NRG3: variants seen among roughly 807,000 people sequenced by gnomAD.
NRG3 encodes the protein pro-neuregulin-3, membrane-bound isoform.
NRG3 carries 31 observed loss-of-function variants against 66.9 expected under a neutral mutation model. The observed-to-expected ratio is 0.46, with a 90% confidence interval of 0.35 to 0.63. The LOEUF (loss-of-function observed/expected upper bound fraction) is 0.63. NRG3 is among the 20% of genes least tolerant of loss of function. The pLI is 0.00. For synonymous variants in NRG3, 393 were observed against 359.4 expected, an observed-to-expected ratio of 1.09 and a Z score of -1.06; for missense variants, 910 against 878.9, an observed-to-expected ratio of 1.04 and a Z score of -0.45.
chr10:82,500,738 G>A (rs941207506), intron 2 of NRG3, among the ~76,000 whole-genome samples: 9 of 152,110 alleles, frequency 5.9e-5, no homozygotes, highest in Admixed American at 5.2e-4. Flanking sequence ...CTGAACTTTT[G>A]GTTCTATGTG....
At chr10:82,638,042 A>T (rs997146540) in intron 2 of NRG3, among the ~76,000 whole-genome samples, 1 of 152,212 alleles carries the variant, frequency 6.6e-6, no homozygotes, top group African/African-American at 2.4e-5. Context: ...CTATATTGGA[A>T]ACTTTCCTGT....
intron 6 of NRG3, among the ~76,000 whole-genome samples, chr10:82,963,859 C>G (rs146541143): frequency 1.1e-3 from 162 of 152,212 alleles, no homozygotes; most frequent in African/African-American, 3.4e-3. Context: ...ATCCCACACT[C>G]TGTCTCTCTG....
At chr10:82,754,920 T>C (rs778796949) in intron 3 of NRG3, among the ~76,000 whole-genome samples, 3 of 152,164 alleles carry the variant, frequency 2.0e-5, no homozygotes, top group Non-Finnish European at 4.4e-5. Flanking sequence ...CATAGACTAC[T>C]ATGCTTTTAA....
intron 1 of NRG3, among the ~76,000 whole-genome samples, chr10:81,893,429 C>T (rs530922335): frequency 7.3e-5 from 11 of 150,984 alleles, no homozygotes; most frequent in South Asian, 4.2e-4. Flanking sequence ...CCTGAACATC[C>T]GCAGTATGGA....
chr10:82,677,971 G>A (rs1049374166), intron 2 of NRG3, among the ~76,000 whole-genome samples: 3 of 152,168 alleles, frequency 2.0e-5, no homozygotes, highest in Non-Finnish European at 4.4e-5. Flanking sequence ...CACATGCACG[G>A]TGTGTTTACT....
rs1230310506 is a variant in NRG3 at position 82,328,725 on chromosome 10, A to G, written c.824-30014A>G. Among the ~76,000 whole-genome samples the G allele has an allele frequency of 8.5e-5, 13 of 152,212 alleles. 1 individual carries two copies. Among genetic ancestry groups the G allele is most frequent in the Admixed American group, 8.5e-4 (13 of 15,290 alleles). On this transcript the variant is annotated intron_variant, in intron 1 of 8. Transcript: ENST00000372141. ...CTTATTCTCACAGAAACCTCCTGGC[A>G]TGCCTGGCACATCTTCACTCAATAA...
intron 1 of NRG3, among the ~76,000 whole-genome samples, chr10:82,332,618 G>GT (rs2082192100): frequency 6.6e-6 from 1 of 152,100 alleles, no homozygotes; most frequent in South Asian, 2.1e-4. Context: ...ATGATAACTA[G>GT]GCTTTGGTGA....
intron 2 of NRG3, among the ~76,000 whole-genome samples, chr10:82,363,580 C>T (rs957146976): frequency 3.3e-5 from 5 of 152,136 alleles, no homozygotes; most frequent in Admixed American, 6.5e-5. Flanking sequence ...CTCAGCCTCC[C>T]TGGTAGCTGG....
intron 2 of NRG3, among the ~76,000 whole-genome samples, chr10:82,618,092 A>G (rs1022810075): frequency 2.6e-5 from 4 of 151,998 alleles, no homozygotes; most frequent in African/African-American, 9.7e-5. Flanking sequence ...AAATTGCTCC[A>G]TTTTCTCTAA....
intron 1 of NRG3, among the ~76,000 whole-genome samples, chr10:82,357,664 G>A (rs961200735): frequency 6.6e-6 from 1 of 151,952 alleles, no homozygotes; most frequent in Non-Finnish European, 1.5e-5. Flanking sequence ...TTCCATCATG[G>A]GGGCCTCACC....
At chr10:82,228,312 G>A (rs1021439856) in intron 1 of NRG3, among the ~76,000 whole-genome samples, 1 of 152,198 alleles carries the variant, frequency 6.6e-6, no homozygotes, top group Non-Finnish European at 1.5e-5. Context: ...TTTTGTAAAT[G>A]TGAGTCACAG....
intron 1 of NRG3, among the ~76,000 whole-genome samples, chr10:81,997,220 G>T (rs535780711): frequency 1.1e-4 from 17 of 152,170 alleles, no homozygotes; most frequent in Non-Finnish European, 2.4e-4. Flanking sequence ...GTGATATGGT[G>T]CCTCTCTAAC....
intron 1 of NRG3, among the ~76,000 whole-genome samples, chr10:82,042,906 C>T (rs2063110023): frequency 6.6e-6 from 1 of 151,948 alleles, no homozygotes; most frequent in Admixed American, 6.6e-5. Context: ...TAGTAGGATG[C>T]AAACTGACAC....
chr10:82,887,842 C>A (rs566235400), intron 4 of NRG3, among the ~76,000 whole-genome samples: 8 of 152,268 alleles, frequency 5.3e-5, no homozygotes, highest in Admixed American at 2.0e-4. Flanking sequence ...TGAACATATG[C>A]AGGTCTAATT....
At chr10:82,445,762 C>G (rs747190118) in intron 2 of NRG3, among the ~76,000 whole-genome samples, 2 of 152,160 alleles carry the variant, frequency 1.3e-5, no homozygotes, top group Non-Finnish European at 2.9e-5. Flanking sequence ...TTGTATAACT[C>G]TGTTTCACTG....
At chr10:82,232,594 T>G in intron 1 of NRG3, 1 of 595,904 alleles carries the variant, frequency 1.7e-6, no homozygotes, top group Admixed American at 2.9e-5. Context: ...ATACAGACTT[T>G]CATTGTTTTT....
chr10:82,495,976 T>G (rs1346680874), intron 2 of NRG3, among the ~76,000 whole-genome samples: 1 of 152,190 alleles, frequency 6.6e-6, no homozygotes, highest in Non-Finnish European at 1.5e-5. Flanking sequence ...AAGATTTTAT[T>G]TTTCTTTTTA....
intron 2 of NRG3, among the ~76,000 whole-genome samples, chr10:82,660,989 A>C (rs1284073651): frequency 7.9e-5 from 12 of 152,166 alleles, no homozygotes. Context: ...ATTTACTGTT[A>C]ATATGTTAAT....
At chr10:82,104,094 C>G (rs1430160207) in intron 1 of NRG3, among the ~76,000 whole-genome samples, 1 of 151,858 alleles carries the variant, frequency 6.6e-6, no homozygotes, top group East Asian at 1.9e-4. Context: ...GTTTGTTCTT[C>G]AATTTTTTTG....
Sources: allele counts gnomAD v4.1 joint callset (sites outside exome capture counted in the v4.1 genomes callset), GRCh38; gene constraint gnomAD v4.1.1; transcripts MANE v1.5; gene names NCBI Gene and HGNC (gene_info 2026-07-23, HGNC 2026-07-21).